PPIG: variants seen among roughly 807,000 people sequenced by gnomAD.
The protein encoded by PPIG is peptidylprolyl isomerase G.
In PPIG, 26 loss-of-function variants were observed where a neutral mutation model predicts 87.9. The observed-to-expected ratio is 0.30, with a 90% CI of 0.22 to 0.41. The LOEUF is 0.41. Ranked by LOEUF, PPIG falls within the 10% of genes least tolerant of loss-of-function variation. The probability of loss-of-function intolerance (pLI) is 1.00; values close to 1 mark genes in which losing one functional copy is unlikely to be tolerated. For synonymous variants in PPIG, 308 were observed against 276.5 expected (o/e 1.11, Z -1.13); for missense variants, 722 against 879.4 (o/e 0.82, Z 2.26).
intron 1 of PPIG, among the ~76,000 whole-genome samples, chr2:169,591,164 A>G (rs1684853208): frequency 6.6e-6 from 1 of 152,252 alleles, no homozygotes; most frequent in African/African-American, 2.4e-5. Context: ...ATATATTTTA[A>G]TAATTAGTTG....
intron 7 of PPIG, among the ~76,000 whole-genome samples, chr2:169,613,550 T>A (rs950098347): frequency 1.8e-4 from 28 of 152,324 alleles, no homozygotes; most frequent in African/African-American, 6.5e-4. Context: ...TGGGATTTTT[T>A]AAAAATAATT....
chr2:169,637,234 A>G lies in PPIG; in HGVS notation c.1976A>G (p.Glu659Gly), dbSNP rs1372560303. The change falls in exon 14 of 14, where the codon GAG becomes GGG. Residue 659 changes from glutamate (E) to glycine (G), a missense_variant. Glu to Gly is a moderately conservative substitution (Grantham distance 98). Coordinates refer to ENST00000260970, the MANE Select transcript of PPIG (RefSeq NM_004792.3). ...SKSSHRKENSESEKRMYSKSR... is the reference protein window; with the variant it reads ...SKSSHRKENSGSEKRMYSKSR... ...AGCTCACACAGAAAAGAAAATTCTG[A>G]GAGTGAGAAAAGAATGTACTCTAAA... 1.2e-6 allele frequency: 2 copies of G among 1,613,474 alleles called. No individual in the cohort carries two copies. The highest frequency in any genetic ancestry group is 1.7e-6 in the Non-Finnish European group (2 of 1,179,882).
intron 9 of PPIG, among the ~76,000 whole-genome samples, chr2:169,618,624 T>C (rs1473720164): frequency 6.6e-6 from 1 of 152,242 alleles, no homozygotes; most frequent in Non-Finnish European, 1.5e-5. Flanking sequence ...CTTCTAGATT[T>C]TCTAGTGTAT....
intron 1 of PPIG, among the ~76,000 whole-genome samples, chr2:169,595,147 C>T (rs1025754467): frequency 1.2e-4 from 18 of 152,066 alleles, no homozygotes; most frequent in Non-Finnish European, 2.4e-4. Context: ...AGGCTGTTCT[C>T]GAACTCTTGA....
At chr2:169,592,630 C>G (rs1472144212) in intron 1 of PPIG, among the ~76,000 whole-genome samples, 2 of 151,930 alleles carry the variant, frequency 1.3e-5, no homozygotes, top group East Asian at 1.9e-4. Context: ...AATAGAGATG[C>G]GTTCTCATTA....
chr2:169,630,084 G>A (rs1029608312), intron 9 of PPIG, among the ~76,000 whole-genome samples: 1 of 150,402 alleles, frequency 6.6e-6, no homozygotes, highest in Admixed American at 6.6e-5. Context: ...TCTAATTCTT[G>A]TTATGTTACA....
chr2:169,636,049 A>G lies in PPIG; in HGVS notation c.1018-43A>G, dbSNP rs1029470454. 10 of 1,505,270 alleles carry G rather than the reference A, an allele frequency of 6.6e-6. 1 individual carries two copies. The highest frequency in any genetic ancestry group is 3.7e-4 in the Middle Eastern group (2 of 5,334). 93.2% of individuals were successfully genotyped at this position (1,505,270 alleles called of 1,614,324 possible). A position where few individuals can be genotyped will look rare whatever the true frequency, so the allele number is the denominator to read the frequency against. On this transcript the variant is annotated intron_variant, in intron 12 of 13. Coordinates refer to ENST00000260970, the MANE Select transcript of PPIG (RefSeq NM_004792.3). ...TCCCAGCACCCATGCGAGTCCCTCT[A>G]TACTTCTATACATTAATTTTTCCCT...
chr2:169,589,395 TG>T (rs1036993226), intron 1 of PPIG, among the ~76,000 whole-genome samples: 3 of 152,232 alleles, frequency 2.0e-5, no homozygotes, highest in Admixed American at 2.0e-4. Context: ...ATGTTTTTGA[TG>T]CGGTGCATTT....
chr2:169,632,597 C>T (rs1190054084), intron 11 of PPIG, among the ~76,000 whole-genome samples: 9 of 151,550 alleles, frequency 5.9e-5, no homozygotes, highest in Admixed American at 2.0e-4. Context: ...AAAAATTAGC[C>T]GGGTGTGGTG....
Position 169,636,183 on chromosome 2 carries a change from A to G in PPIG, c.1109A>G (p.Gln370Arg). 1 of 1,612,906 alleles carries G rather than the reference A, an allele frequency of 6.2e-7. No individual in the cohort carries two copies. Among genetic ancestry groups the G allele is most frequent in the South Asian group, 1.1e-5 (1 of 90,866 alleles). The change falls in exon 13 of 14, where the codon CAA becomes CGA. Residue 370 changes from glutamine to arginine, a missense_variant. Physicochemically the swap from Gln to Arg is conservative, Grantham distance 43 (BLOSUM62 1). Coordinates refer to ENST00000260970, the MANE Select transcript of PPIG (RefSeq NM_004792.3). ...TGGAGGCAAGAGATGCAGAGAGCTC[A>G]AAGAATGAGGGTATCAAGTGGTGAA... ...PHWRQEMQRA[Q>R]RMRVSSGERW...
intron 7 of PPIG, among the ~76,000 whole-genome samples, chr2:169,610,813 TATTC>T (rs1314428638): frequency 6.6e-6 from 1 of 152,240 alleles, no homozygotes; most frequent in Non-Finnish European, 1.5e-5. Context: ...AGATCATTCT[TATTC>T]TTTTTTGCAG....
At chr2:169,636,256 T>C (rs762896281) in intron 13 of PPIG, 28 bp downstream of exon 13, 11 of 1,568,826 alleles carry the variant, frequency 7.0e-6, no homozygotes, top group Non-Finnish European at 7.7e-6. Context: ...TTATTTCAAA[T>C]GTAATGATAA....
At chr2:169,600,527 A>C (rs1685151324) in intron 1 of PPIG, among the ~76,000 whole-genome samples, 1 of 152,284 alleles carries the variant, frequency 6.6e-6, no homozygotes, top group Non-Finnish European at 1.5e-5. Flanking sequence ...TGAAAATCCA[A>C]AATGCTCCAA....
chr2:169,606,639 TTGACACA>T (rs980508720), intron 5 of PPIG, among the ~76,000 whole-genome samples: 12 of 145,818 alleles, frequency 8.2e-5, no homozygotes, highest in Non-Finnish European at 1.6e-4. Flanking sequence ...AATTTTGCCT[TTGACACA>T]TGAATTTCAG....
At chr2:169,603,387 C>A (rs1332391499) in intron 1 of PPIG, among the ~76,000 whole-genome samples, 1 of 151,996 alleles carries the variant, frequency 6.6e-6, no homozygotes, top group Non-Finnish European at 1.5e-5. Context: ...TTTTTTGTGT[C>A]TATACCAGCA....
At chr2:169,586,916 A>G (rs1294600994) in intron 1 of PPIG, among the ~76,000 whole-genome samples, 7 of 152,078 alleles carry the variant, frequency 4.6e-5, no homozygotes, top group African/African-American at 1.4e-4. Context: ...GCATTGTGGC[A>G]TTGCATGCTT....
chr2:169,619,806 T>G (rs1481241396), intron 9 of PPIG, among the ~76,000 whole-genome samples: 1 of 152,138 alleles, frequency 6.6e-6, no homozygotes, highest in East Asian at 1.9e-4. Context: ...TCAGTGTAGT[T>G]TTAATTTGCA....
At chr2:169,589,514 T>G (rs2105469824) in intron 1 of PPIG, among the ~76,000 whole-genome samples, 1 of 152,350 alleles carries the variant, frequency 6.6e-6, no homozygotes, top group South Asian at 2.1e-4. Flanking sequence ...TGCTATAGTT[T>G]TAATTAATTT....
intron 9 of PPIG, among the ~76,000 whole-genome samples, chr2:169,617,697 T>G (rs985670732): frequency 6.6e-6 from 1 of 152,216 alleles, no homozygotes; most frequent in Non-Finnish European, 1.5e-5. Context: ...TTTTGCACAT[T>G]GATTTTGTAT....
Sources: allele counts gnomAD v4.1 joint callset (sites outside exome capture counted in the v4.1 genomes callset), GRCh38; gene constraint gnomAD v4.1.1; transcripts MANE v1.5; gene names NCBI Gene and HGNC (gene_info 2026-07-23, HGNC 2026-07-21).